Variants in LRRC27 observed in about 807,000 individuals in gnomAD.
LRRC27 encodes the protein leucine-rich repeat-containing protein 27.
In LRRC27, 57 loss-of-function variants were observed where a neutral mutation model predicts 55.0. The ratio of observed to expected loss-of-function variants is 1.04; its 90% CI spans 0.84 to 1.29. LRRC27 has a LOEUF of 1.29. Ranked by LOEUF, LRRC27 falls within the 50% of genes most tolerant of loss-of-function variation. LRRC27 has a pLI of 0.00. For missense variants in LRRC27, 721 were observed against 651.5 expected (o/e 1.11, Z -1.16); for synonymous variants, 278 against 251.9 (o/e 1.10, Z -0.98).
Position 132,344,560 on chromosome 10 carries a change from C to T in LRRC27, c.463C>T (p.Leu155Phe), listed in dbSNP as rs2067583413. 1 of 1,614,184 alleles carries T rather than the reference C, an allele frequency of 6.2e-7. No homozygotes were observed. Among genetic ancestry groups the T allele is most frequent in the Middle Eastern group, 1.6e-4 (1 of 6,062 alleles). The change falls in exon 5 of 11, where the codon CTC becomes TTC. Residue 155 changes from leucine to phenylalanine, a missense_variant. By Grantham distance (22) the Leu-to-Phe change is conservative. Coordinates refer to ENST00000368614, the MANE Select transcript of LRRC27 (RefSeq NM_030626.3). ...CTGCCCTCTGGAATTCCCTCCTCAG[C>T]TCGTTGTGCAGAAGGGATTGGTGGC... ...RHCPLEFPPQ[L>F]VVQKGLVAIQ...
chr10:132,364,344 T>C (rs2068808840), intron 9 of LRRC27, among the ~76,000 whole-genome samples: 1 of 41,208 alleles, frequency 2.4e-5, no homozygotes, highest in Non-Finnish European at 4.2e-5. Context: ...ACACCCACAC[T>C]TAATCTACCT....
upstream of LRRC27, chr10:132,331,567 G>A (rs1590551239): frequency 6.2e-7 from 1 of 1,612,968 alleles, no homozygotes; most frequent in Non-Finnish European, 8.5e-7. Flanking sequence ...CCTGTGGGAA[G>A]TGGCTCCAGG....
At chr10:132,353,011 G>A in intron 7 of LRRC27, 1 of 1,604,120 alleles carries the variant, frequency 6.2e-7, no homozygotes, top group African/African-American at 1.3e-5. Flanking sequence ...TGGACTCGGT[G>A]TCCTCAGTGT....
chr10:132,363,997 A>T (rs999532767), intron 9 of LRRC27, among the ~76,000 whole-genome samples: 2 of 151,906 alleles, frequency 1.3e-5, no homozygotes, highest in African/African-American at 4.8e-5. Flanking sequence ...GTTCTCTTAC[A>T]TCCTCCAGGG....
At chr10:132,346,451 C>T (rs1311961562) in intron 5 of LRRC27, among the ~76,000 whole-genome samples, 3 of 152,048 alleles carry the variant, frequency 2.0e-5, no homozygotes, top group East Asian at 1.9e-4. Flanking sequence ...CCGAGGCGGG[C>T]GGATCACGAG....
intron 7 of LRRC27, among the ~76,000 whole-genome samples, chr10:132,354,321 G>T (rs959660805): frequency 6.6e-5 from 10 of 152,180 alleles, no homozygotes; most frequent in African/African-American, 2.4e-4. Context: ...CTATTCTGAG[G>T]GCCCAGACCC....
intron 7 of LRRC27, among the ~76,000 whole-genome samples, chr10:132,354,868 T>C (rs1471484885): frequency 6.6e-6 from 1 of 152,164 alleles, no homozygotes; most frequent in African/African-American, 2.4e-5. Flanking sequence ...TCCTGCAGGC[T>C]GGAGAGCTGG....
chr10:132,364,918 C>T (rs1327489752), intron 9 of LRRC27, among the ~76,000 whole-genome samples: 3 of 136,740 alleles, frequency 2.2e-5, no homozygotes, highest in Non-Finnish European at 3.3e-5. Flanking sequence ...ATCCCCAGCT[C>T]TTTCTACCAC....
intron 8 of LRRC27, among the ~76,000 whole-genome samples, chr10:132,359,235 C>G (rs985459033): frequency 6.6e-6 from 1 of 151,986 alleles, no homozygotes; most frequent in African/African-American, 2.4e-5. Flanking sequence ...AGGCATCCTT[C>G]CAAGTTAAGA....
At chr10:132,357,488 G>A (rs1476290198) in intron 8 of LRRC27, among the ~76,000 whole-genome samples, 1 of 152,190 alleles carries the variant, frequency 6.6e-6, no homozygotes, top group African/African-American at 2.4e-5. Flanking sequence ...CCGACAGAAG[G>A]GTGAGTCAGT....
At chr10:132,345,392 G>A (rs939228173) in intron 5 of LRRC27, among the ~76,000 whole-genome samples, 2 of 152,206 alleles carry the variant, frequency 1.3e-5, no homozygotes, top group Admixed American at 6.5e-5. Context: ...TTAGGTCTTC[G>A]TAAATAACGT....
chr10:132,339,410 G>A (rs1484093936), intron 3 of LRRC27, among the ~76,000 whole-genome samples: 4 of 152,240 alleles, frequency 2.6e-5, no homozygotes, highest in African/African-American at 9.6e-5. Flanking sequence ...TCTAATGATA[G>A]GTGGTGTCCG....
At chr10:132,343,518 G>A (rs887575922) in intron 4 of LRRC27, among the ~76,000 whole-genome samples, 1 of 152,208 alleles carries the variant, frequency 6.6e-6, no homozygotes, top group Non-Finnish European at 1.5e-5. Flanking sequence ...GACTAAAAAT[G>A]GATGACAAGA....
intron 5 of LRRC27, among the ~76,000 whole-genome samples, chr10:132,347,348 T>C (rs1028285930): frequency 7.0e-6 from 1 of 143,826 alleles, no homozygotes; most frequent in Non-Finnish European, 1.5e-5. Flanking sequence ...GCGTGTCCGG[T>C]GGGGCCCGTG....
chr10:132,369,327 C>T (rs974170063), intron 10 of LRRC27, among the ~76,000 whole-genome samples: 2 of 152,250 alleles, frequency 1.3e-5, no homozygotes, highest in African/African-American at 4.8e-5. Context: ...ACAGACATAG[C>T]AGCTTTTTTC....
At chr10:132,364,443 C>G (rs1325186647) in intron 9 of LRRC27, among the ~76,000 whole-genome samples, 1 of 131,812 alleles carries the variant, frequency 7.6e-6, no homozygotes. Context: ...ACATCTACCT[C>G]CACACCCACA....
intron 10 of LRRC27, among the ~76,000 whole-genome samples, chr10:132,373,773 C>G (rs983726583): frequency 2.0e-5 from 3 of 152,250 alleles, no homozygotes; most frequent in Admixed American, 6.5e-5. Flanking sequence ...AGGAGCCTGG[C>G]GGGGTCTCCA....
chr10:132,336,981 G>A (rs1384906315), intron 2 of LRRC27: 2 of 395,498 alleles, frequency 5.1e-6, no homozygotes, highest in African/African-American at 2.2e-5. Flanking sequence ...TCCCTTATTT[G>A]TCACGACTTT....
intron 3 of LRRC27, among the ~76,000 whole-genome samples, chr10:132,339,544 G>A (rs1037732818): frequency 2.0e-4 from 31 of 152,168 alleles, no homozygotes; most frequent in Non-Finnish European, 4.4e-5. Flanking sequence ...TACATCTGCC[G>A]AGCCCGGCCA....
Sources: allele counts gnomAD v4.1 joint callset (sites outside exome capture counted in the v4.1 genomes callset), GRCh38; gene constraint gnomAD v4.1.1; transcripts MANE v1.5; gene names NCBI Gene and HGNC (gene_info 2026-07-23, HGNC 2026-07-21).